Variants in ENTHD1 observed in about 807,000 individuals in gnomAD.
ENTHD1 encodes the protein ENTH domain-containing protein 1.
A neutral mutation model predicts 39.1 loss-of-function variants in ENTHD1; 23 were observed. The observed-to-expected ratio is 0.59, with a 90% CI of 0.42 to 0.83. The LOEUF (loss-of-function observed/expected upper bound fraction) is 0.83. ENTHD1 is among the 40% of genes least tolerant of loss of function. ENTHD1 has a pLI of 0.00. For synonymous variants in ENTHD1, 230 were observed against 258.2 expected (o/e 0.89, Z 1.05); for missense variants, 624 against 705.4 (o/e 0.88, Z 1.31).
At chr22:39,769,015 T>C (rs1273649935) in intron 5 of ENTHD1, among the ~76,000 whole-genome samples, 13 of 152,020 alleles carry the variant, frequency 8.6e-5, no homozygotes, top group African/African-American at 4.8e-5. Context: ...TATGTACATA[T>C]ATACACACTA....
intron 1 of ENTHD1, among the ~76,000 whole-genome samples, chr22:39,890,553 GCTAT>G (rs999414326): frequency 2.9e-4 from 44 of 151,910 alleles, no homozygotes; most frequent in African/African-American, 3.9e-4. Flanking sequence ...TTTTTGGATA[GCTAT>G]CTATCTATAT....
intron 3 of ENTHD1, among the ~76,000 whole-genome samples, chr22:39,851,087 C>A (rs2146704773): frequency 6.6e-6 from 1 of 152,224 alleles, no homozygotes; most frequent in African/African-American, 2.4e-5. Flanking sequence ...ACCCTTAAAT[C>A]ATAGTCTTGC....
At chr22:39,811,638 G>C (rs1462388405) in intron 5 of ENTHD1, among the ~76,000 whole-genome samples, 1 of 152,234 alleles carries the variant, frequency 6.6e-6, no homozygotes, top group Non-Finnish European at 1.5e-5. Flanking sequence ...CTGATCCATA[G>C]AGATGAAACT....
At chr22:39,748,214 G>A (rs183591539) in intron 6 of ENTHD1, among the ~76,000 whole-genome samples, 31 of 146,984 alleles carry the variant, frequency 2.1e-4, no homozygotes, top group Non-Finnish European at 3.7e-4. Context: ...ATGCCAGGGC[G>A]CTCCAACCTG....
At chr22:39,841,621 T>C (rs924603733) in intron 3 of ENTHD1, among the ~76,000 whole-genome samples, 2 of 151,646 alleles carry the variant, frequency 1.3e-5, no homozygotes, top group Non-Finnish European at 2.9e-5. Context: ...ATTTTGAGCC[T>C]ATGTGTGTCT....
chr22:39,811,383 G>A (rs1305997925), intron 5 of ENTHD1, among the ~76,000 whole-genome samples: 1 of 152,200 alleles, frequency 6.6e-6, no homozygotes, highest in East Asian at 1.9e-4. Context: ...AGAACCAAGG[G>A]TAAGGGAAGT....
chr22:39,886,656 A>T (rs1273257297), intron 2 of ENTHD1, among the ~76,000 whole-genome samples: 3 of 152,178 alleles, frequency 2.0e-5, no homozygotes, highest in Admixed American at 6.5e-5. Context: ...CATTTTGAAC[A>T]CAAATTATAA....
chr22:39,786,848 A>G (rs2065462941), intron 5 of ENTHD1, among the ~76,000 whole-genome samples: 1 of 152,178 alleles, frequency 6.6e-6, no homozygotes, highest in East Asian at 1.9e-4. Context: ...AGGTTTATTC[A>G]TGTTGTCACA....
intron 4 of ENTHD1, among the ~76,000 whole-genome samples, chr22:39,829,165 C>T (rs1356038521): frequency 6.6e-6 from 1 of 152,020 alleles, no homozygotes; most frequent in Non-Finnish European, 1.5e-5. Context: ...AACAAATGCT[C>T]CTAATAGTAA....
chr22:39,785,872 C>G (rs1010463727), intron 5 of ENTHD1, among the ~76,000 whole-genome samples: 3 of 152,138 alleles, frequency 2.0e-5, no homozygotes, highest in South Asian at 2.1e-4. Context: ...TTTGGCTCAG[C>G]CTTGGCTCTT....
At chr22:39,749,423 A>G (rs1425966324) in intron 6 of ENTHD1, among the ~76,000 whole-genome samples, 1 of 152,264 alleles carries the variant, frequency 6.6e-6, no homozygotes, top group East Asian at 1.9e-4. Flanking sequence ...TTAACTTATT[A>G]TACTCATAAA....
Position 39,871,839 on chromosome 22 carries a change from A to G in ENTHD1, c.350-9832T>C, listed in dbSNP as rs145093831. ...TTTTGGTTTAAATTCACAATGATAC[A>G]ACTTCTAACAACAAGGCTTATGATG... On this transcript the variant is annotated intron_variant, in intron 2 of 6. Transcript: ENST00000325157. Among the ~76,000 whole-genome samples the G allele has an allele frequency of 7.3e-3, 1,110 of 152,362 alleles. 6 individuals are homozygous for G. Among genetic ancestry groups the G allele is most frequent in the African/African-American group, 0.025 (1,049 of 41,582 alleles).
At chr22:39,879,314 T>A (rs536163215) in intron 2 of ENTHD1, among the ~76,000 whole-genome samples, 65 of 150,722 alleles carry the variant, frequency 4.3e-4, no homozygotes, top group Non-Finnish European at 8.4e-4. Context: ...ATAAAAAAAA[T>A]TAGCTCGGTG....
chr22:39,888,886 T>C (rs1222220968), intron 1 of ENTHD1, among the ~76,000 whole-genome samples: 1 of 152,204 alleles, frequency 6.6e-6, no homozygotes, highest in Non-Finnish European at 1.5e-5. Context: ...AATATTATAT[T>C]CTGAGAGTAA....
intron 3 of ENTHD1, among the ~76,000 whole-genome samples, chr22:39,861,142 A>C (rs1244120623): frequency 6.6e-6 from 1 of 152,192 alleles, no homozygotes; most frequent in African/African-American, 2.4e-5. Flanking sequence ...AGGATAAAAA[A>C]CTTAAAATTG....
chr22:39,808,590 T>G (rs1569149295), intron 5 of ENTHD1, among the ~76,000 whole-genome samples: 1 of 152,268 alleles, frequency 6.6e-6, no homozygotes, highest in Non-Finnish European at 1.5e-5. Flanking sequence ...TAATTTGAAC[T>G]GTCAAAGGGG....
intron 5 of ENTHD1, among the ~76,000 whole-genome samples, chr22:39,820,538 A>G (rs2065775059): frequency 6.6e-6 from 1 of 152,348 alleles, no homozygotes; most frequent in Admixed American, 6.5e-5. Context: ...TTGGAACTCA[A>G]TCGTGTAATT....
At chr22:39,757,096 C>A (rs1423411725) in intron 6 of ENTHD1, among the ~76,000 whole-genome samples, 1 of 151,488 alleles carries the variant, frequency 6.6e-6, no homozygotes, top group East Asian at 1.9e-4. Flanking sequence ...AATACTGAGT[C>A]TTCCAATCCA....
intron 5 of ENTHD1, among the ~76,000 whole-genome samples, chr22:39,792,534 T>C (rs538699711): frequency 2.0e-5 from 3 of 152,312 alleles, no homozygotes; most frequent in African/African-American, 4.8e-5. Context: ...ATTGCAAATC[T>C]GTGCTGATGG....
Sources: gnomAD v4.1 joint callset for allele counts (sites outside exome capture counted in the v4.1 genomes callset) on GRCh38, gnomAD v4.1.1 for gene constraint, MANE v1.5 for transcripts, NCBI Gene and HGNC (gene_info 2026-07-23, HGNC 2026-07-21) for gene names.